Variants in ADAMTS17 observed in about 807,000 individuals in gnomAD.
ADAMTS17 encodes the protein A disintegrin and metalloproteinase with thrombospondin motifs 17.
A neutral mutation model predicts 141.5 loss-of-function variants in ADAMTS17; 113 were observed. That is an observed-to-expected ratio of 0.80 (90% confidence interval 0.69 to 0.93). The LOEUF (loss-of-function observed/expected upper bound fraction) is 0.93, where lower values mean the gene tolerates loss of function less well. ADAMTS17 is among the 40% of genes least tolerant of loss of function. The probability of loss-of-function intolerance (pLI) is 0.00; values close to 1 mark genes in which losing one functional copy is unlikely to be tolerated. For missense variants in ADAMTS17, 1,659 were observed against 1,517.9 expected, an observed-to-expected ratio of 1.09 and a Z score of -1.54; for synonymous variants, 768 against 630.6, an observed-to-expected ratio of 1.22 and a Z score of -3.27.
Position 100,341,194 on chromosome 15 carries a change from C to A in ADAMTS17, c.295G>T (p.Asp99Tyr). Reference protein sequence around the residue: ...GRDLYLQLRRDLRFLSRGFEV... With the variant: ...GRDLYLQLRRYLRFLSRGFEV... ...AAGCCTCGGGACAGGAAGCGCAGGTCGCGGCGCAGCTGAAGGTACAGGTCG... is the reference window on the plus strand; with the variant it reads ...AAGCCTCGGGACAGGAAGCGCAGGTAGCGGCGCAGCTGAAGGTACAGGTCG... The change falls in exon 2 of 22, where the codon GAC (aspartate) becomes TAC (tyrosine). Residue 99 changes from aspartate to tyrosine, a missense_variant. Coordinates refer to ENST00000268070, the MANE Select transcript of ADAMTS17 (RefSeq NM_139057.4). 2 of 1,462,618 alleles carry A rather than the reference C, an allele frequency of 1.4e-6. No homozygotes were observed. The highest frequency in any genetic ancestry group is 1.3e-5 in the South Asian group (1 of 78,160). The allele number at this position is 1,462,618 out of a possible 1,614,324, so 90.6% of individuals were successfully genotyped here. A position where few individuals can be genotyped will look rare whatever the true frequency, so the allele number is the denominator to read the frequency against.
At chr15:100,242,208 G>A (rs934382167) in intron 7 of ADAMTS17, among the ~76,000 whole-genome samples, 3 of 152,190 alleles carry the variant, frequency 2.0e-5, no homozygotes, top group Non-Finnish European at 4.4e-5. Context: ...TCCAAGTGCT[G>A]CAATGGCTTC....
chr15:100,175,784 C>T (rs2040317490), intron 8 of ADAMTS17, among the ~76,000 whole-genome samples: 1 of 152,018 alleles, frequency 6.6e-6, no homozygotes, highest in South Asian at 2.1e-4. Context: ...ACGGTGCCCC[C>T]GAGAGTGCAA....
intron 2 of ADAMTS17, among the ~76,000 whole-genome samples, chr15:100,334,548 A>G (rs1325423753): frequency 6.6e-6 from 1 of 150,962 alleles, no homozygotes; most frequent in Non-Finnish European, 1.5e-5. Flanking sequence ...CCTGCCTCTG[A>G]CTCTCCGGCG....
At chr15:100,160,795 T>TA (rs1400621204) in intron 8 of ADAMTS17, among the ~76,000 whole-genome samples, 1 of 152,194 alleles carries the variant, frequency 6.6e-6, no homozygotes, top group African/African-American at 2.4e-5. Context: ...TGATCTCCTT[T>TA]AAAATGTTTA....
rs2046034525 is a variant in ADAMTS17, at chr15:100,330,993, C to A, written c.512G>T (p.Gly171Val). The A allele has an allele frequency of 6.2e-7, 1 of 1,614,144 alleles. No individual in the cohort carries two copies. Among genetic ancestry groups the A allele is most frequent in the Non-Finnish European group, 8.5e-7 (1 of 1,180,036 alleles). ...CAGATGTTCTCGTCCACTGAATGGG[C>A]CCTGGGAGTTGTTGAGGGGCTGGAT... is the stretch of plus-strand genomic sequence containing the variant. ...VLIQPLNNSQ[G>V]PFSGREHLIR... Residue 171 changes from glycine to valine, a missense_variant, in exon 3 of 22, where the codon GGC becomes GTC. By Grantham distance (109) the Gly-to-Val change is moderately radical. Transcript: ENST00000268070.
chr15:99,985,207 C>G (rs893714498), intron 20 of ADAMTS17, among the ~76,000 whole-genome samples: 1 of 152,208 alleles, frequency 6.6e-6, no homozygotes, highest in Admixed American at 6.5e-5. Context: ...TTGCCCCTGC[C>G]CAGAAAAGCA....
chr15:100,304,435 T>C (rs2045152114), intron 3 of ADAMTS17, among the ~76,000 whole-genome samples: 1 of 152,248 alleles, frequency 6.6e-6, no homozygotes. Flanking sequence ...AAATTCATTC[T>C]GACTACAACA....
At position 100,132,169 on chromosome 15, in the gene ADAMTS17, A is replaced by G. The variant is rs2038085303; in HGVS notation, c.1576-17T>C. The G allele has an allele frequency of 6.2e-7, 1 of 1,611,672 alleles. No homozygotes were observed. Among genetic ancestry groups the G allele is most frequent in the South Asian group, 1.1e-5 (1 of 90,814 alleles). ...GCGGCACCACTGAAACACAGCGGGGAGGGTCGGGGCCCAGGCACTCAGCAG... is the reference window on the plus strand; with the variant it reads ...GCGGCACCACTGAAACACAGCGGGGGGGGTCGGGGCCCAGGCACTCAGCAG... On this transcript the variant is annotated splice_polypyrimidine_tract_variant and intron_variant, in intron 11 of 21. Transcript: ENST00000268070.
At chr15:100,141,823 T>C (rs916088732) in intron 10 of ADAMTS17, among the ~76,000 whole-genome samples, 8 of 152,178 alleles carry the variant, frequency 5.3e-5, no homozygotes, top group African/African-American at 1.9e-4. Flanking sequence ...GCTGCCAAAG[T>C]CCAACGGCTC....
At chr15:99,989,904 A>G (rs2060657641) in intron 20 of ADAMTS17, among the ~76,000 whole-genome samples, 1 of 152,192 alleles carries the variant, frequency 6.6e-6, no homozygotes, top group Non-Finnish European at 1.5e-5. Flanking sequence ...TGAAACCTCT[A>G]AGCATCTCTG....
chr15:100,043,728 C>A (rs1004369437), intron 18 of ADAMTS17, among the ~76,000 whole-genome samples: 4 of 152,244 alleles, frequency 2.6e-5, no homozygotes, highest in African/African-American at 9.6e-5. Flanking sequence ...AATATTTATT[C>A]TCTAGACCTA....
intron 18 of ADAMTS17, among the ~76,000 whole-genome samples, chr15:100,012,649 C>G (rs2061209269): frequency 6.6e-6 from 1 of 152,190 alleles, no homozygotes; most frequent in African/African-American, 2.4e-5. Context: ...GGTGTCCTTT[C>G]CCCACTTTAT....
intron 15 of ADAMTS17, among the ~76,000 whole-genome samples, chr15:100,074,535 A>G (rs1447103592): frequency 6.6e-6 from 1 of 152,050 alleles, no homozygotes. Flanking sequence ...TTATATTAAT[A>G]TATTTTCTAA....
rs1420205121 is a variant in ADAMTS17 at position 100,116,917 on chromosome 15, G to A, written c.1818C>T (p.Asp606=). 4 of 1,614,174 alleles carry A rather than the reference G, an allele frequency of 2.5e-6. No homozygotes were observed. In the African/African-American group the frequency reaches 4.0e-5, roughly 16 times the overall value. The change falls in exon 13 of 22, where the codon GAC becomes GAT. Residue 606 remains aspartate, a synonymous_variant. Transcript: ENST00000268070. Reference sequence around the variant, plus strand: ...GCCGGTCGTGTGCCTGGCACTGCTGGTCCCGGAAGCTGGGCAGACCCTTGG... The same window carrying A: ...GCCGGTCGTGTGCCTGGCACTGCTGATCCCGGAAGCTGGGCAGACCCTTGG... ...PCPKGLPSFR[D]QQCQAHDRLS... is the part of the protein sequence containing the mutation.
chr15:100,339,898 T>G (rs1326763524), intron 2 of ADAMTS17, among the ~76,000 whole-genome samples: 1 of 152,176 alleles, frequency 6.6e-6, no homozygotes, highest in East Asian at 1.9e-4. Flanking sequence ...CATAAGACCT[T>G]GCACCCCCAG....
chr15:100,278,641 G>C (rs1412128352), intron 4 of ADAMTS17, among the ~76,000 whole-genome samples: 3 of 152,210 alleles, frequency 2.0e-5, no homozygotes, highest in Admixed American at 1.3e-4. Flanking sequence ...GGCGGAGATA[G>C]AGGGAGTTTC....
intron 3 of ADAMTS17, among the ~76,000 whole-genome samples, chr15:100,295,541 C>A (rs555681946): frequency 3.9e-5 from 6 of 152,310 alleles, no homozygotes; most frequent in African/African-American, 1.4e-4. Flanking sequence ...TAGGCACCAA[C>A]TTGGGTATAC....
chr15:100,193,023 A>C (rs2141599403), intron 8 of ADAMTS17, among the ~76,000 whole-genome samples: 1 of 152,292 alleles, frequency 6.6e-6, no homozygotes, highest in South Asian at 2.1e-4. Flanking sequence ...TCCCAAACTC[A>C]CCTTGGCACA....
At chr15:100,153,513 T>G (rs974542593) in intron 9 of ADAMTS17, among the ~76,000 whole-genome samples, 3 of 152,090 alleles carry the variant, frequency 2.0e-5, no homozygotes, top group Non-Finnish European at 4.4e-5. Context: ...ATGGTTGTAG[T>G]CCCACCTGTA....
Sources: gnomAD v4.1 joint callset for allele counts (sites outside exome capture counted in the v4.1 genomes callset) on GRCh38, gnomAD v4.1.1 for gene constraint, MANE v1.5 for transcripts, NCBI Gene and HGNC (gene_info 2026-07-23, HGNC 2026-07-21) for gene names.